Variants in MAPK10 observed in about 807,000 individuals in gnomAD.
MAPK10 encodes JNK3 alpha protein kinase.
In MAPK10, 25 loss-of-function variants were observed where a neutral mutation model predicts 59.3. The observed-to-expected ratio is 0.42, with a 90% CI of 0.31 to 0.59. MAPK10 has a LOEUF of 0.59. MAPK10 is among the 20% of genes least tolerant of loss of function. The probability of loss-of-function intolerance (pLI) is 0.15; values close to 1 mark genes in which losing one functional copy is unlikely to be tolerated. For synonymous variants in MAPK10, 190 were observed against 200.5 expected (o/e 0.95, Z 0.44); for missense variants, 351 against 568.9 (o/e 0.62, Z 3.90).
intron 1 of MAPK10, among the ~76,000 whole-genome samples, chr4:86,431,316 T>C (rs1748017976): frequency 6.6e-6 from 1 of 152,168 alleles, no homozygotes; most frequent in Non-Finnish European, 1.5e-5. Context: ...ATAAACGTTA[T>C]AAACATGAAA....
chr4:86,475,793 ACT>A (rs1289318144), intron 1 of MAPK10, among the ~76,000 whole-genome samples: 1 of 148,342 alleles, frequency 6.7e-6, no homozygotes, highest in Non-Finnish European at 1.5e-5. Context: ...CCATGTCTCT[ACT>A]CTCTCTTTTC....
rs183654450 is a variant in MAPK10, at chr4:86,375,966, G to A, written c.-121-21322C>T. On this transcript the variant is annotated intron_variant, in intron 1 of 13. Coordinates refer to the MAPK10 transcript ENST00000361569. ...ACACTAAATAACTGAGTGTCTACTAGGTGCAGGATTGTGCTATGGTCTTTA... is the reference window on the plus strand; with the variant it reads ...ACACTAAATAACTGAGTGTCTACTAAGTGCAGGATTGTGCTATGGTCTTTA... Among the ~76,000 whole-genome samples, 11 of 152,106 alleles carry A rather than the reference G, an allele frequency of 7.2e-5. 1 individual carries two copies. Among genetic ancestry groups the A allele is most frequent in the African/African-American group, 1.7e-4 (7 of 41,496 alleles).
intron 2 of MAPK10, among the ~76,000 whole-genome samples, chr4:86,229,030 C>G (rs1482104023): frequency 6.6e-6 from 1 of 152,112 alleles, no homozygotes; most frequent in Non-Finnish European, 1.5e-5. Context: ...AAAGTTTAAA[C>G]AAATACTTCA....
intron 1 of MAPK10, among the ~76,000 whole-genome samples, chr4:86,478,621 A>G (rs191786701): frequency 1.5e-4 from 23 of 152,180 alleles, no homozygotes; most frequent in African/African-American, 5.1e-4. Flanking sequence ...CACAATTACC[A>G]TTGTTCCTGG....
In MAPK10 at chr4:86,017,507, G is replaced by T; in HGVS notation, c.1253-137C>A. ...TCATTTGGCAAGCCTTTATAGAGCA[G>T]CTGACATAGGGGAGCATATCAAATG... On this transcript the variant is annotated intron_variant, in intron 13 of 13. Transcript: ENST00000641462. The surrounding 1 kb of genome is among the most constrained non-coding windows in gnomAD (Gnocchi z 4.4). The T allele has an allele frequency of 1.2e-6, 1 of 841,430 alleles. No homozygotes were observed. The highest frequency in any genetic ancestry group is 1.9e-6 in the Non-Finnish European group (1 of 526,972). The allele number at this position is 841,430 out of a possible 1,614,324, so 52.1% of individuals were successfully genotyped here.
chr4:86,555,815 G>A (rs779859178), intron 1 of MAPK10, among the ~76,000 whole-genome samples: 9 of 152,152 alleles, frequency 5.9e-5, no homozygotes, highest in Non-Finnish European at 8.8e-5. Context: ...GATAAATTAA[G>A]GTTGAGGAGC....
intron 2 of MAPK10, among the ~76,000 whole-genome samples, chr4:86,248,217 T>C (rs1006544651): frequency 3.3e-5 from 5 of 152,358 alleles, no homozygotes; most frequent in African/African-American, 1.2e-4. Context: ...TCATTGGTTT[T>C]TTTCTAATTT....
At chr4:86,307,120 T>C (rs2095583194) in intron 2 of MAPK10, among the ~76,000 whole-genome samples, 1 of 152,180 alleles carries the variant, frequency 6.6e-6, no homozygotes, top group East Asian at 1.9e-4. Context: ...TGACTCACAG[T>C]GGCATAAATT....
At chr4:86,020,305 C>T (rs548284799) in intron 13 of MAPK10, 3 of 151,840 alleles carry the variant, frequency 2.0e-5, no homozygotes, top group African/African-American at 7.3e-5. Context: ...ATGGATACAT[C>T]ACATTTTGTT....
intron 9 of MAPK10, chr4:86,080,477 A>T (rs1276963393): frequency 1.3e-5 from 2 of 151,974 alleles, no homozygotes; most frequent in Non-Finnish European, 2.9e-5. Flanking sequence ...TTCTATATCT[A>T]ACTAAACTAT....
intron 2 of MAPK10, among the ~76,000 whole-genome samples, chr4:86,227,585 C>G (rs1476126637): frequency 6.6e-6 from 1 of 151,856 alleles, no homozygotes; most frequent in Non-Finnish European, 1.5e-5. Context: ...CTGTCAGCAA[C>G]GTCAATTACA....
At chr4:86,194,257 G>T in intron 3 of MAPK10, 79 bp downstream of exon 3, 1 of 1,066,722 alleles carries the variant, frequency 9.4e-7, no homozygotes, top group Non-Finnish European at 1.5e-6. Context: ...CTTTGGTGTG[G>T]AATGTATGCA....
At chr4:86,402,122 G>A (rs969448222) in intron 1 of MAPK10, among the ~76,000 whole-genome samples, 2 of 151,956 alleles carry the variant, frequency 1.3e-5, no homozygotes, top group Admixed American at 6.5e-5. Flanking sequence ...TCATTTTACG[G>A]AAATTGTTCA....
At chr4:86,120,998 A>C (rs911571213) in intron 4 of MAPK10, among the ~76,000 whole-genome samples, 1 of 152,242 alleles carries the variant, frequency 6.6e-6, no homozygotes, top group Non-Finnish European at 1.5e-5. Context: ...AGTACTATAT[A>C]CTAAATTTCT....
chr4:86,050,398 T>C (rs1450854081), intron 11 of MAPK10, among the ~76,000 whole-genome samples: 1 of 152,152 alleles, frequency 6.6e-6, no homozygotes, highest in Non-Finnish European at 1.5e-5. Flanking sequence ...AGTGAATGAA[T>C]GTGGTGGACC....
intron 4 of MAPK10, among the ~76,000 whole-genome samples, chr4:86,107,984 T>C (rs986700408): frequency 6.6e-6 from 1 of 152,110 alleles, no homozygotes; most frequent in Non-Finnish European, 1.5e-5. Context: ...AGCCACATAC[T>C]ATGTCACCCA....
Position 86,011,293 on chromosome 4 carries a change from C to T in MAPK10, c.*5935G>A, listed in dbSNP as rs1741416466. The T allele has an allele frequency of 6.6e-6, 1 of 152,192 alleles. No individual in the cohort carries two copies. 9.4% of individuals were successfully genotyped at this position (152,192 alleles called of 1,614,324 possible). A position where few individuals can be genotyped will look rare whatever the true frequency, so the allele number is the denominator to read the frequency against. ...TGATGGCAGGACTTTCAGCGTGTTT[C>T]ACTATTAGCATGTGTCATCCAAGCA... On this transcript the variant is annotated 3_prime_UTR_variant, in exon 14 of 14. Coordinates refer to ENST00000641462, the MANE Select transcript of MAPK10 (RefSeq NM_138982.4).
intron 1 of MAPK10, among the ~76,000 whole-genome samples, chr4:86,544,145 G>A (rs1255107785): frequency 1.3e-5 from 2 of 152,178 alleles, no homozygotes; most frequent in African/African-American, 4.8e-5. Context: ...GCCGGAGACA[G>A]GTTTTTTTCC....
At chr4:86,454,193 G>A (rs1579280442), upstream of MAPK10, among the ~76,000 whole-genome samples, 2 of 152,124 alleles carry the variant, frequency 1.3e-5, no homozygotes, top group East Asian at 3.9e-4. Context: ...CTGGTAATAT[G>A]ATGAAACAAG....
Sources: gnomAD v4.1 joint callset for allele counts (sites outside exome capture counted in the v4.1 genomes callset) on GRCh38, gnomAD v4.1.1 for gene constraint, Gnocchi (gnomAD v3.1) non-coding constraint, MANE v1.5 for transcripts, NCBI Gene and HGNC (gene_info 2026-07-23, HGNC 2026-07-21) for gene names.